The following EYS variants were observed in gnomAD, a reference collection of about 807,000 sequenced individuals.
EYS encodes protein eyes shut homolog.
EYS carries 250 observed loss-of-function variants against 282.1 expected under a neutral mutation model. The observed-to-expected ratio is 0.89, with a 90% CI of 0.80 to 0.98. EYS has a LOEUF of 0.98. Ranked by LOEUF, EYS falls within the 50% of genes least tolerant of loss-of-function variation. The pLI is 0.00. For synonymous variants in EYS, 1,355 were observed against 1,282.9 expected, an observed-to-expected ratio of 1.06 and a Z score of -1.20; for missense variants, 4,016 against 3,709.0, an observed-to-expected ratio of 1.08 and a Z score of -2.15.
intron 22 of EYS, among the ~76,000 whole-genome samples, chr6:64,800,853 T>C (rs1774522438): frequency 6.6e-6 from 1 of 152,060 alleles, no homozygotes; most frequent in South Asian, 2.1e-4. Flanking sequence ...GATATATTTT[T>C]GAAAATAATG....
At chr6:65,497,524 G>C (rs1400478982) in intron 2 of EYS, among the ~76,000 whole-genome samples, 1 of 151,892 alleles carries the variant, frequency 6.6e-6, no homozygotes, top group East Asian at 1.9e-4. Flanking sequence ...TCATCAAAGA[G>C]GGAAAAGGAA....
intron 26 of EYS, among the ~76,000 whole-genome samples, chr6:64,573,858 G>C (rs140305666): frequency 0.099 from 15,003 of 152,218 alleles, 920 homozygotes; most frequent in East Asian, 0.17. Context: ...CATTGTGGAA[G>C]ACAGTGTGGC....
chr6:64,984,088 G>A (rs1770770823), intron 14 of EYS, among the ~76,000 whole-genome samples: 1 of 151,446 alleles, frequency 6.6e-6, no homozygotes, highest in Non-Finnish European at 1.5e-5. Flanking sequence ...ATTCTTATAT[G>A]ATGAAATGTG....
At chr6:64,592,543 C>G (rs533467578) in intron 25 of EYS, among the ~76,000 whole-genome samples, 2 of 152,222 alleles carry the variant, frequency 1.3e-5, no homozygotes, top group South Asian at 4.1e-4. Flanking sequence ...CTAAGGGCTA[C>G]AATTCTTACT....
chr6:64,373,097 TA>T (rs1430067675), intron 29 of EYS, among the ~76,000 whole-genome samples: 2 of 152,222 alleles, frequency 1.3e-5, no homozygotes, highest in Non-Finnish European at 2.9e-5. Flanking sequence ...GAACCATTGC[TA>T]GGGAGCTATT....
chr6:64,939,664 T>TCATA (rs1285455739), intron 15 of EYS, among the ~76,000 whole-genome samples: 1 of 148,830 alleles, frequency 6.7e-6, no homozygotes, highest in Non-Finnish European at 1.5e-5. Flanking sequence ...GTGATGTATT[T>TCATA]CATACACACA....
intron 29 of EYS, among the ~76,000 whole-genome samples, chr6:64,373,186 G>A (rs538150162): frequency 3.9e-5 from 6 of 152,194 alleles, no homozygotes; most frequent in African/African-American, 1.2e-4. Flanking sequence ...CTTATTTGTG[G>A]GGATTATGTT....
At chr6:65,449,434 GGTT>G (rs1406386559) in intron 5 of EYS, among the ~76,000 whole-genome samples, 1 of 151,932 alleles carries the variant, frequency 6.6e-6, no homozygotes, top group Non-Finnish European at 1.5e-5. Flanking sequence ...GAATGCATTG[GGTT>G]GTTATCTTTC....
chr6:64,875,196 A>C (rs755537879), intron 19 of EYS, among the ~76,000 whole-genome samples: 7 of 151,980 alleles, frequency 4.6e-5, no homozygotes, highest in Non-Finnish European at 8.8e-5. Flanking sequence ...TGCTTTGTAC[A>C]CTCAATTCTT....
intron 22 of EYS, among the ~76,000 whole-genome samples, chr6:64,788,049 C>T (rs951093112): frequency 5.3e-5 from 8 of 151,828 alleles, no homozygotes; most frequent in African/African-American, 1.9e-4. Flanking sequence ...TACAATTTCT[C>T]CCTCTTCAAT....
At chr6:65,444,439 C>T (rs10944799) in intron 5 of EYS, among the ~76,000 whole-genome samples, 28,168 of 151,882 alleles carry the variant, frequency 0.19, 3,257 homozygotes, top group Middle Eastern at 0.3. Flanking sequence ...ACAAGTGGTG[C>T]TTACTTTGCC....
At chr6:65,650,992 T>C (rs1356234790) in intron 1 of EYS, among the ~76,000 whole-genome samples, 1 of 152,156 alleles carries the variant, frequency 6.6e-6, no homozygotes, top group Admixed American at 6.5e-5. Flanking sequence ...TGGGACTGAA[T>C]TCACTTATGT....
At chr6:63,759,318 G>A (rs1300409516) in intron 41 of EYS, among the ~76,000 whole-genome samples, 1 of 152,084 alleles carries the variant, frequency 6.6e-6, no homozygotes, top group Non-Finnish European at 1.5e-5. Flanking sequence ...GGAGAGTTAA[G>A]TTACTTGCCC....
intron 30 of EYS, among the ~76,000 whole-genome samples, chr6:64,246,534 A>T (rs923717979): frequency 3.9e-5 from 6 of 152,188 alleles, no homozygotes; most frequent in Admixed American, 6.5e-5. Flanking sequence ...ACATGTGTGT[A>T]CAGTTTGCAT....
At chr6:65,317,777 T>TCTTCCGTCCTTC (rs1769333502) in intron 11 of EYS, among the ~76,000 whole-genome samples, 1 of 57,392 alleles carries the variant, frequency 1.7e-5, no homozygotes, top group African/African-American at 6.5e-5. Flanking sequence ...CTACATTTTC[T>TCTTCCGTCCTTC]CTTCCTTCCT....
At chr6:65,192,293 C>CTGTGTGTGTG (rs58238401) in intron 12 of EYS, among the ~76,000 whole-genome samples, 2,401 of 142,888 alleles carry the variant, frequency 0.017, 39 homozygotes, top group African/African-American at 0.032. Context: ...TTTTTCTACT[C>CTGTGTGTGTG]TGTGTGTGTG....
rs569923227 is a variant in EYS, at chr6:65,133,742, T to C, written c.2024-76015A>G. Among the ~76,000 whole-genome samples, 9 of 151,956 alleles carry C rather than the reference T, an allele frequency of 5.9e-5. No homozygotes were observed. In the South Asian group the frequency reaches 1.7e-3, roughly 28 times the overall value. ...TTTCAAGATGAAGACCCAAAAGCAA[T>C]TGCAACAAAAGCAAAAAAGAGACAA... On this transcript the variant is annotated intron_variant, in intron 12 of 42. Coordinates refer to ENST00000503581, the MANE Select transcript of EYS (RefSeq NM_001142800.2).
intron 35 of EYS, among the ~76,000 whole-genome samples, chr6:63,873,685 T>C (rs1409694956): frequency 3.9e-5 from 6 of 152,226 alleles, no homozygotes; most frequent in Admixed American, 1.3e-4. Flanking sequence ...GACTTTTTAA[T>C]GATTGCCATT....
intron 13 of EYS, among the ~76,000 whole-genome samples, chr6:65,035,493 A>T (rs796279877): frequency 6.6e-6 from 1 of 152,132 alleles, no homozygotes; most frequent in Non-Finnish European, 1.5e-5. Flanking sequence ...AAGTTTCAGG[A>T]TACAAAATCA....
Sources: gnomAD v4.1 joint callset for allele counts (sites outside exome capture counted in the v4.1 genomes callset) on GRCh38, gnomAD v4.1.1 for gene constraint, MANE v1.5 for transcripts, NCBI Gene and HGNC (gene_info 2026-07-23, HGNC 2026-07-21) for gene names.